The following DPP10 variants were observed in gnomAD, a reference collection of about 807,000 sequenced individuals.
The protein encoded by DPP10 is dipeptidyl peptidase like 10.
DPP10 carries 33 observed loss-of-function variants against 120.9 expected under a neutral mutation model. The ratio of observed to expected loss-of-function variants is 0.27; its 90% CI spans 0.21 to 0.37. The LOEUF is 0.37. DPP10 is among the 10% of genes least tolerant of loss of function. The pLI is 1.00. For synonymous variants in DPP10, 337 were observed against 326.1 expected (o/e 1.03, Z -0.36); for missense variants, 816 against 942.8 (o/e 0.87, Z 1.76).
chr2:115,747,764 T>C (rs1678177553), intron 10 of DPP10, among the ~76,000 whole-genome samples: 1 of 152,156 alleles, frequency 6.6e-6, no homozygotes, highest in African/African-American at 2.4e-5. Flanking sequence ...CAGCTAATTT[T>C]TTGAATTTTT....
At position 114,748,351 on chromosome 2, in the gene DPP10, AT is replaced by A. The variant is rs1458478614; in HGVS notation, c.60+305522del. ...AAAGGGAATTTTCTTTTTTTTTTTT[AT>A]TTTTTTTTATTTTATTTATTTATTT... On this transcript the variant is annotated intron_variant, in intron 1 of 25. Transcript: ENST00000410059. 8.4e-4 allele frequency among the ~76,000 whole-genome samples: 85 copies of A among 101,276 alleles called. 3 individuals are homozygous for A. The highest frequency in any genetic ancestry group is 1.5e-3 in the Non-Finnish European group (74 of 49,340). 66.4% of individuals were successfully genotyped at this position (101,276 alleles called of 152,430 possible).
chr2:114,754,963 A>C (rs1431176303), intron 1 of DPP10, among the ~76,000 whole-genome samples: 1 of 152,236 alleles, frequency 6.6e-6, no homozygotes, highest in Non-Finnish European at 1.5e-5. Flanking sequence ...ACTTTTAGTC[A>C]TGTTTCTAAA....
intron 1 of DPP10, among the ~76,000 whole-genome samples, chr2:114,841,765 A>C (rs1274670294): frequency 6.6e-6 from 1 of 152,118 alleles, no homozygotes; most frequent in Non-Finnish European, 1.5e-5. Flanking sequence ...ATGGAAAGCC[A>C]TGATTGGGAG....
intron 1 of DPP10, among the ~76,000 whole-genome samples, chr2:114,931,831 G>A: frequency 6.6e-6 from 1 of 152,134 alleles, no homozygotes; most frequent in East Asian, 1.9e-4. Context: ...AAATGTTGGA[G>A]GTCCAGTTAA....
intron 21 of DPP10, among the ~76,000 whole-genome samples, chr2:115,816,745 T>C (rs924281465): frequency 3.3e-5 from 5 of 150,358 alleles, no homozygotes; most frequent in African/African-American, 9.7e-5. Flanking sequence ...GCCTCCTGAG[T>C]AGCTGGGGAC....
At chr2:115,487,416 G>A (rs367818329) in intron 3 of DPP10, among the ~76,000 whole-genome samples, 17 of 40,580 alleles carry the variant, frequency 4.2e-4, no homozygotes, top group Middle Eastern at 0.014. Flanking sequence ...AGCCCGCATC[G>A]CCAAGTCAAT....
intron 1 of DPP10, among the ~76,000 whole-genome samples, chr2:114,774,206 A>C (rs1001415984): frequency 6.6e-6 from 1 of 152,066 alleles, no homozygotes; most frequent in Non-Finnish European, 1.5e-5. Context: ...AGAAGCTCAT[A>C]CTTTATAGTG....
intron 1 of DPP10, among the ~76,000 whole-genome samples, chr2:115,245,399 C>G (rs774606800): frequency 2.0e-5 from 3 of 151,982 alleles, no homozygotes; most frequent in Admixed American, 6.6e-5. Flanking sequence ...CACTAATTAT[C>G]AGAGAAATGC....
chr2:115,396,533 G>A (rs770067466), intron 3 of DPP10, among the ~76,000 whole-genome samples: 1 of 152,126 alleles, frequency 6.6e-6, no homozygotes, highest in Non-Finnish European at 1.5e-5. Context: ...TCCTCACCTT[G>A]GAGTAATATA....
intron 1 of DPP10, among the ~76,000 whole-genome samples, chr2:114,470,266 A>G (rs748114767): frequency 6.6e-6 from 1 of 152,118 alleles, no homozygotes; most frequent in African/African-American, 2.4e-5. Context: ...ATTTTTTTTA[A>G]TCATTTGAAT....
At chr2:115,613,903 G>T (rs746433102) in intron 5 of DPP10, among the ~76,000 whole-genome samples, 1 of 152,148 alleles carries the variant, frequency 6.6e-6, no homozygotes, top group Admixed American at 6.5e-5. Context: ...CCTTTGGGGA[G>T]CACTGGAGAA....
intron 24 of DPP10, among the ~76,000 whole-genome samples, chr2:115,840,224 T>C (rs1689949214): frequency 6.6e-6 from 1 of 151,400 alleles, no homozygotes. Flanking sequence ...GTAGCTACTG[T>C]TTTGCTTTTT....
chr2:114,932,292 C>A (rs944773119), intron 1 of DPP10, among the ~76,000 whole-genome samples: 1 of 152,136 alleles, frequency 6.6e-6, no homozygotes, highest in Non-Finnish European at 1.5e-5. Flanking sequence ...TCCTGTAGCC[C>A]AACAATTTCA....
intron 2 of DPP10, among the ~76,000 whole-genome samples, chr2:115,339,057 A>T (rs149495439): frequency 1.4e-4 from 21 of 152,216 alleles, no homozygotes; most frequent in Non-Finnish European, 2.2e-4. Context: ...CACGTATCTG[A>T]CAAAGCATTT....
At chr2:114,729,425 C>G (rs1279785367) in intron 1 of DPP10, among the ~76,000 whole-genome samples, 2 of 152,226 alleles carry the variant, frequency 1.3e-5, no homozygotes, top group African/African-American at 2.4e-5. Flanking sequence ...CATATTGACT[C>G]TGTCATGGGT....
intron 1 of DPP10, among the ~76,000 whole-genome samples, chr2:115,149,477 C>T: frequency 6.6e-6 from 1 of 152,260 alleles, no homozygotes; most frequent in Admixed American, 6.5e-5. Context: ...TCTGATGGAT[C>T]CCAATGCACT....
At chr2:114,789,121 G>A (rs950443976) in intron 1 of DPP10, among the ~76,000 whole-genome samples, 1 of 152,112 alleles carries the variant, frequency 6.6e-6, no homozygotes, top group African/African-American at 2.4e-5. Flanking sequence ...TGGAAATACT[G>A]TTTACTGGGT....
At chr2:115,634,827 A>G (rs1339995036) in intron 5 of DPP10, among the ~76,000 whole-genome samples, 1 of 152,174 alleles carries the variant, frequency 6.6e-6, no homozygotes, top group African/African-American at 2.4e-5. Context: ...GACTAAGTCT[A>G]CTGATTTGCG....
chr2:114,628,420 A>G, intron 1 of DPP10, among the ~76,000 whole-genome samples: 1 of 152,186 alleles, frequency 6.6e-6, no homozygotes, highest in East Asian at 1.9e-4. Flanking sequence ...ACCTTGGAGC[A>G]TGAAACATGT....
Sources: gnomAD v4.1 joint callset for allele counts (sites outside exome capture counted in the v4.1 genomes callset) on GRCh38, gnomAD v4.1.1 for gene constraint, MANE v1.5 for transcripts, NCBI Gene and HGNC (gene_info 2026-07-23, HGNC 2026-07-21) for gene names.